Variants in DSCAM observed in about 807,000 individuals in gnomAD.
DSCAM encodes the protein DS cell adhesion molecule.
A neutral mutation model predicts 217.7 loss-of-function variants in DSCAM; 47 were observed. The observed-to-expected ratio is 0.22, with a 90% CI of 0.17 to 0.28. The LOEUF (loss-of-function observed/expected upper bound fraction) is 0.28, where lower values mean the gene tolerates loss of function less well. Ranked by LOEUF, DSCAM falls within the 10% of genes least tolerant of loss-of-function variation. The probability of loss-of-function intolerance (pLI) is 1.00; values close to 1 mark genes in which losing one functional copy is unlikely to be tolerated. For synonymous variants in DSCAM, 1,056 were observed against 1,015.3 expected (o/e 1.04, Z -0.76); for missense variants, 2,080 against 2,618.3 (o/e 0.79, Z 4.49).
chr21:40,340,954 G>A (rs2074484566), intron 6 of DSCAM, among the ~76,000 whole-genome samples: 1 of 152,028 alleles, frequency 6.6e-6, no homozygotes, highest in Admixed American at 6.6e-5. Flanking sequence ...CATGGTGATG[G>A]GGCTGTGCTG....
chr21:40,675,758 G>A (rs2090330649), intron 3 of DSCAM, among the ~76,000 whole-genome samples: 1 of 152,198 alleles, frequency 6.6e-6, no homozygotes, highest in African/African-American at 2.4e-5. Context: ...CCTTCACAGA[G>A]GTTCTGATCC....
At chr21:40,052,576 G>A (rs889498199) in intron 29 of DSCAM, among the ~76,000 whole-genome samples, 24 of 152,168 alleles carry the variant, frequency 1.6e-4, no homozygotes, top group Admixed American at 1.2e-3. Context: ...CTCTACTGAG[G>A]TTTGCTCTCA....
chr21:40,334,102 G>C (rs944036518), intron 8 of DSCAM, among the ~76,000 whole-genome samples: 4 of 152,138 alleles, frequency 2.6e-5, no homozygotes, highest in African/African-American at 9.7e-5. Context: ...GGGGAAGCCT[G>C]TACATATGAA....
chr21:40,161,294 G>T (rs1361100733), intron 16 of DSCAM, among the ~76,000 whole-genome samples: 3 of 152,062 alleles, frequency 2.0e-5, no homozygotes, highest in Non-Finnish European at 4.4e-5. Flanking sequence ...GAGAGATGCA[G>T]AATACATTCC....
intron 1 of DSCAM, among the ~76,000 whole-genome samples, chr21:40,755,370 C>T (rs542993510): frequency 6.6e-5 from 10 of 152,118 alleles, no homozygotes; most frequent in East Asian, 3.9e-4. Context: ...TGCTTGAACC[C>T]GGGAGGCAGA....
chr21:40,595,920 T>C (rs879905489), intron 3 of DSCAM, among the ~76,000 whole-genome samples: 6 of 152,176 alleles, frequency 3.9e-5, no homozygotes, highest in Non-Finnish European at 8.8e-5. Context: ...TCCCTGTTGG[T>C]AATGGGATCC....
At position 40,276,203 on chromosome 21, in the gene DSCAM, C is replaced by G. The variant is rs139291190; in HGVS notation, c.2250G>C (p.Ser750=). The G allele has an allele frequency of 3.1e-6, 5 of 1,613,106 alleles. No individual in the cohort carries two copies. The highest frequency in any genetic ancestry group is 2.7e-5 in the African/African-American group (2 of 74,868). The change falls in exon 11 of 33, where the codon TCG becomes TCC. Residue 750 remains serine, a synonymous_variant. Coordinates refer to ENST00000400454, the MANE Select transcript of DSCAM (RefSeq NM_001389.5). ...NGRIQVLSNG[S]LLIKHVVEED... ...CCTCCACGACATGCTTGATCAGCAA[C>G]GACCCATTGCTGAGAACTTGGATTC...
At chr21:40,772,316 C>T (rs1373335929) in intron 1 of DSCAM, among the ~76,000 whole-genome samples, 1 of 152,024 alleles carries the variant, frequency 6.6e-6, no homozygotes, top group Non-Finnish European at 1.5e-5. Flanking sequence ...TTACAGGCAC[C>T]CGTCACCGTG....
At position 40,347,890 on chromosome 21, in the gene DSCAM, T is replaced by G. The variant is rs2074576490; in HGVS notation, c.990A>C (p.Gln330His). The change falls in exon 6 of 33, where the codon CAA becomes CAC. Residue 330 changes from glutamine (Q) to histidine (H), a missense_variant. Physicochemically the swap from Gln to His is conservative, Grantham distance 24 (BLOSUM62 0). Transcript: ENST00000400454. ...CTGTCACGCTGCAGGACAAGGAAAC[T>G]TGGCTACCCACGCTGCTTTTAACCT... ...PRKVKSSVGS[Q>H]VSLSCSVTGT... 1 of 1,614,024 alleles carries G rather than the reference T, an allele frequency of 6.2e-7. No individual in the cohort carries two copies. Among genetic ancestry groups the G allele is most frequent in the Non-Finnish European group, 8.5e-7 (1 of 1,179,940 alleles).
At chr21:40,616,176 C>G (rs748389450) in intron 3 of DSCAM, among the ~76,000 whole-genome samples, 1 of 152,190 alleles carries the variant, frequency 6.6e-6, no homozygotes, top group Non-Finnish European at 1.5e-5. Context: ...CACAGAATGA[C>G]TGGGAAGTTT....
rs549856651 is a variant in DSCAM at position 40,457,304 on chromosome 21, G to A, written c.509-88059C>T. On this transcript the variant is annotated intron_variant, in intron 3 of 32. Coordinates refer to ENST00000400454, the MANE Select transcript of DSCAM (RefSeq NM_001389.5). ...AGGCGGGAGGATTGCTTGAGCCTAG[G>A]AGTTCGAGACCAGCCTGGGCAGTAT... 2.6e-5 allele frequency among the ~76,000 whole-genome samples: 4 copies of A among 152,248 alleles called. No homozygotes were observed. In the East Asian group the frequency reaches 5.8e-4, roughly 22 times the overall value.
At chr21:40,493,404 A>G (rs547445436) in intron 3 of DSCAM, among the ~76,000 whole-genome samples, 1 of 152,320 alleles carries the variant, frequency 6.6e-6, no homozygotes, top group East Asian at 1.9e-4. Context: ...CAGTCTAAGT[A>G]AGTAAATGGT....
At chr21:40,161,095 A>G (rs1248528894) in intron 16 of DSCAM, among the ~76,000 whole-genome samples, 2 of 152,178 alleles carry the variant, frequency 1.3e-5, no homozygotes, top group African/African-American at 4.8e-5. Context: ...TAGCTCTTGC[A>G]AATGCAGCCA....
At chr21:40,413,570 C>T (rs1463078970) in intron 3 of DSCAM, among the ~76,000 whole-genome samples, 2 of 152,190 alleles carry the variant, frequency 1.3e-5, no homozygotes, top group African/African-American at 4.8e-5. Context: ...TGATTCAATG[C>T]AATCCCAATC....
intron 3 of DSCAM, among the ~76,000 whole-genome samples, chr21:40,541,299 C>G (rs755178344): frequency 1.3e-5 from 2 of 152,100 alleles, no homozygotes; most frequent in African/African-American, 2.4e-5. Flanking sequence ...TAGTAACAGA[C>G]TATATTTAAA....
At chr21:40,831,904 CT>C (rs888121253) in intron 1 of DSCAM, among the ~76,000 whole-genome samples, 2 of 152,200 alleles carry the variant, frequency 1.3e-5, no homozygotes, top group Non-Finnish European at 2.9e-5. Flanking sequence ...CAAAACAACT[CT>C]TTAAAGAAAA....
intron 28 of DSCAM, among the ~76,000 whole-genome samples, chr21:40,059,389 A>G (rs1169326269): frequency 6.6e-6 from 1 of 152,200 alleles, no homozygotes; most frequent in African/African-American, 2.4e-5. Context: ...TAAAAGGACA[A>G]TCTTTCTGTC....
intron 29 of DSCAM, among the ~76,000 whole-genome samples, chr21:40,052,726 A>G (rs1231876103): frequency 6.6e-6 from 1 of 152,216 alleles, no homozygotes; most frequent in Non-Finnish European, 1.5e-5. Context: ...TAAGCACTCT[A>G]GAACATCCAT....
chr21:40,628,966 C>A (rs1329746291), intron 3 of DSCAM, among the ~76,000 whole-genome samples: 1 of 152,084 alleles, frequency 6.6e-6, no homozygotes, highest in Admixed American at 6.5e-5. Context: ...AGGTTGGTAT[C>A]AAACTCCTGG....
Sources: allele counts gnomAD v4.1 joint callset (sites outside exome capture counted in the v4.1 genomes callset), GRCh38; gene constraint gnomAD v4.1.1; transcripts MANE v1.5; gene names NCBI Gene and HGNC (gene_info 2026-07-23, HGNC 2026-07-21).